The following RFX1 variants were observed in gnomAD, a reference collection of about 807,000 sequenced individuals.
RFX1 encodes MHC class II regulatory factor RFX1.
Under a neutral mutation model 119.6 loss-of-function variants are expected in RFX1, and 42 were observed. The observed-to-expected ratio is 0.35, with a 90% CI of 0.27 to 0.45. The LOEUF (loss-of-function observed/expected upper bound fraction) is 0.45, where lower values mean the gene tolerates loss of function less well. Among genes scored for constraint, RFX1 ranks in the 20% least tolerant of loss-of-function variants. RFX1 has a pLI of 1.00. For synonymous variants in RFX1, 628 were observed against 618.5 expected (o/e 1.02, Z -0.23); for missense variants, 1,118 against 1,368.1 (o/e 0.82, Z 2.88).
intron 8 of RFX1, among the ~76,000 whole-genome samples, chr19:13,976,990 T>A (rs1168061985): frequency 6.7e-6 from 1 of 149,184 alleles, no homozygotes; most frequent in East Asian, 2.0e-4. Flanking sequence ...AGTGAGACCC[T>A]GTCTCAAAAA....
chr19:13,992,795 A>G lies in RFX1; in HGVS notation c.319+730T>C, dbSNP rs913577959. ...ATGCAAACTTTGATGCCACTGCCCA[A>G]ACCCTTCTTCCAGTGACATCTTATT... On this transcript the variant is annotated intron_variant, in intron 2 of 20. Transcript: ENST00000254325. 2.0e-5 allele frequency among the ~76,000 whole-genome samples: 3 copies of G among 152,188 alleles called. No individual in the cohort carries two copies. The South Asian group carries it at 6.2e-4, about 31-fold the overall frequency.
Position 13,988,815 on chromosome 19 carries a change from G to A in RFX1, c.319+4710C>T, listed in dbSNP as rs1378905057. On this transcript the variant is annotated intron_variant, in intron 2 of 20. Transcript: ENST00000254325. ...GCAGGCAGATTACTTGAGGTAAGAA[G>A]TTTGAGACCAGCCTGGCCAACATGG... 3.9e-5 allele frequency among the ~76,000 whole-genome samples: 6 copies of A among 152,190 alleles called. No individual in the cohort carries two copies. The East Asian group carries it at 7.7e-4, about 20-fold the overall frequency.
Position 13,965,955 on chromosome 19 carries a change from A to G in RFX1, c.1962-178T>C, listed in dbSNP as rs974602542. 6.7e-6 allele frequency among the ~76,000 whole-genome samples: 1 copy of G among 150,094 alleles called. No homozygotes were observed. The highest frequency in any genetic ancestry group is 1.5e-5 in the Non-Finnish European group (1 of 67,530). On this transcript the variant is annotated intron_variant, in intron 14 of 20. Coordinates refer to ENST00000254325, the MANE Select transcript of RFX1 (RefSeq NM_002918.5). The surrounding 1 kb of genome is among the most constrained non-coding windows in gnomAD (Gnocchi z 4.7). ...ACCCCCACTCCAGGGTCAGTGGGGC[A>G]CTCTGTGTCTTGCCTCCAGTGCCAG...
At chr19:13,976,180 G>A (rs1021407256) in intron 8 of RFX1, among the ~76,000 whole-genome samples, 7 of 152,342 alleles carry the variant, frequency 4.6e-5, no homozygotes, top group African/African-American at 1.7e-4. Context: ...CGGGGACCAA[G>A]CCTCACGATT....
At chr19:13,962,934 C>T in intron 20 of RFX1, 60 bp downstream of exon 20, 1 of 1,546,752 alleles carries the variant, frequency 6.5e-7, no homozygotes, top group Non-Finnish European at 8.7e-7. Context: ...TCCTCCCGAG[C>T]CCCTCCGTTG....
chr19:13,994,719 A>ATG (rs35165719), intron 1 of RFX1, among the ~76,000 whole-genome samples: 28,879 of 125,652 alleles, frequency 0.23, 3,401 homozygotes, highest in Non-Finnish European at 0.27. Context: ...CTAAATATAT[A>ATG]TGTGTGTGTG....
rs1039431543 is a variant in RFX1, at chr19:13,965,116, G to A, written c.2211+333C>T. Among the ~76,000 whole-genome samples the A allele has an allele frequency of 1.3e-5, 2 of 152,182 alleles. No individual in the cohort carries two copies. The highest frequency in any genetic ancestry group is 2.9e-5 in the Non-Finnish European group (2 of 68,030). On this transcript the variant is annotated intron_variant, in intron 16 of 20. Transcript: ENST00000254325. The surrounding 1 kb of genome is among the most constrained non-coding windows in gnomAD (Gnocchi z 4.7). The stretch of plus-strand genomic sequence containing the variant: ...TAGATGTTGTTGCCTTTCTTAAAAA[G>A]TTTTATCTGTTTCTGCACACCTGAA...
chr19:14,006,055 C>T (rs1006727875), intron 1 of RFX1, 48 bp downstream of exon 1: 8 of 152,148 alleles, frequency 5.3e-5, no homozygotes, highest in African/African-American at 1.9e-4. Context: ...GCCCCGGCCC[C>T]GCCGCCCACC....
Position 13,983,558 on chromosome 19 carries a change from G to A in RFX1, c.357C>T (p.Ala119=), listed in dbSNP as rs1028875348. 1 of 1,610,610 alleles carries A rather than the reference G, an allele frequency of 6.2e-7. No individual in the cohort carries two copies. ...TCTGGCTGGCGGTGGAGCCGGGGCT[G>A]GCCTCCGACACTGTCTCGCTGGCCC... ...AMRASETVSE[A]SPGSTASQTG... is the part of the protein sequence containing the mutation. The change falls in exon 3 of 21, where the codon GCC becomes GCT. Residue 119 remains alanine (A), a synonymous_variant. Coordinates refer to ENST00000254325, the MANE Select transcript of RFX1 (RefSeq NM_002918.5).
Position 13,968,820 on chromosome 19 carries a change from T to C in RFX1, c.1571A>G (p.Gln524Arg), listed in dbSNP as rs1395184240. 6.4e-7 allele frequency: 1 copy of C among 1,564,532 alleles called. No homozygotes were observed. The highest frequency in any genetic ancestry group is 8.7e-7 in the Non-Finnish European group (1 of 1,154,552). ...SSPLLRLMED[Q>R]QHMAMRGQPF... ...CTGGCCCCGCATGGCCATGTGCTGCTGGTCCTCCATCAGCCGCAGCAGGGG... is the reference window on the plus strand; with the variant it reads ...CTGGCCCCGCATGGCCATGTGCTGCCGGTCCTCCATCAGCCGCAGCAGGGG... Residue 524 changes from glutamine to arginine, a missense_variant, in exon 11 of 21, where the codon CAG becomes CGG. Physicochemically the swap from Gln to Arg is conservative, Grantham distance 43. Coordinates refer to ENST00000254325, the MANE Select transcript of RFX1 (RefSeq NM_002918.5). The surrounding 1 kb of genome is among the most constrained non-coding windows in gnomAD (Gnocchi z 5.5).
intron 1 of RFX1, among the ~76,000 whole-genome samples, chr19:14,005,752 G>A (rs1455199465): frequency 1.8e-5 from 2 of 109,858 alleles, no homozygotes; most frequent in African/African-American, 6.9e-5. Flanking sequence ...TCCTGGTCCC[G>A]CCCACCCACC....
chr19:13,975,348 G>A (rs1342624707), intron 8 of RFX1, among the ~76,000 whole-genome samples: 2 of 150,452 alleles, frequency 1.3e-5, no homozygotes, highest in Non-Finnish European at 3.0e-5. Flanking sequence ...GCAACAAGAG[G>A]GAAACTCTAT....
In RFX1 at chr19:13,993,814, C is replaced by T; in HGVS notation, c.30G>A (p.Gln10=). ...GCGGCTGGGATGGTGGCGGGGCTGC[C>T]TGTAGCTCAGTATACGCCTGTGTTG... MATQAYTEL[Q]AAPPPSQPPQ... is the part of the protein sequence containing the mutation. The change falls in exon 2 of 21, where the codon CAG becomes CAA. Residue 10 remains glutamine, a synonymous_variant. Coordinates refer to ENST00000254325, the MANE Select transcript of RFX1 (RefSeq NM_002918.5). 6.2e-7 allele frequency: 1 copy of T among 1,601,308 alleles called. No individual in the cohort carries two copies. Among genetic ancestry groups the T allele is most frequent in the Non-Finnish European group, 8.5e-7 (1 of 1,175,944 alleles).
At chr19:13,999,602 G>A (rs1975146088) in intron 1 of RFX1, among the ~76,000 whole-genome samples, 1 of 151,926 alleles carries the variant, frequency 6.6e-6, no homozygotes, top group Admixed American at 6.6e-5. Context: ...ATTTAAAAAT[G>A]TAAAAATCAT....
chr19:13,984,228 C>T (rs1428294443), intron 2 of RFX1, among the ~76,000 whole-genome samples: 1 of 150,548 alleles, frequency 6.6e-6, no homozygotes, highest in Non-Finnish European at 1.5e-5. Context: ...CCCCACCCGC[C>T]CCCCACCCCG....
chr19:13,999,367 G>A (rs896082560), intron 1 of RFX1, among the ~76,000 whole-genome samples: 9 of 152,130 alleles, frequency 5.9e-5, no homozygotes, highest in African/African-American at 1.2e-4. Flanking sequence ...ATGAGGGCTC[G>A]GCAAAGTTCT....
chr19:13,969,654 T>G lies in RFX1; in HGVS notation c.1496+340A>C. 4.4e-6 allele frequency: 1 copy of G among 226,426 alleles called. No homozygotes were observed. The highest frequency in any genetic ancestry group is 5.2e-5 in the Admixed American group (1 of 19,408). The allele number at this position is 226,426 out of a possible 1,614,324, so 14.0% of individuals were successfully genotyped here. A position where few individuals can be genotyped will look rare whatever the true frequency, so the allele number is the denominator to read the frequency against. ...AGCCTGGGCCACAGAGTGAGACTCT[T>G]GTCTCCAAAAAAAAAAAAAAGTCAC... On this transcript the variant is annotated intron_variant, in intron 10 of 20. Transcript: ENST00000254325. The surrounding 1 kb of genome is among the most constrained non-coding windows in gnomAD (Gnocchi z 4.5).
chr19:13,994,127 C>T (rs373519697), intron 1 of RFX1, among the ~76,000 whole-genome samples: 1 of 152,044 alleles, frequency 6.6e-6, no homozygotes, highest in Admixed American at 6.6e-5. Context: ...TCCGCACCCC[C>T]ACTCACCCCA....
At chr19:13,981,064 A>C (rs978001907) in intron 5 of RFX1, among the ~76,000 whole-genome samples, 6 of 152,168 alleles carry the variant, frequency 3.9e-5, no homozygotes, top group Non-Finnish European at 5.9e-5. Context: ...AGCGCTTTAA[A>C]TGTACTCACT....
Sources: gnomAD v4.1 joint callset for allele counts (sites outside exome capture counted in the v4.1 genomes callset) on GRCh38, gnomAD v4.1.1 for gene constraint, Gnocchi (gnomAD v3.1) non-coding constraint, MANE v1.5 for transcripts, NCBI Gene and HGNC (gene_info 2026-07-23, HGNC 2026-07-21) for gene names.